Variants in NWD2 observed in about 807,000 individuals in gnomAD.
The protein encoded by NWD2 is NACHT and WD repeat domain-containing protein 2.
Under a neutral mutation model 132.7 loss-of-function variants are expected in NWD2, and 37 were observed. The observed-to-expected ratio is 0.28, with a 90% confidence interval of 0.21 to 0.37. NWD2 has a LOEUF of 0.37. Among genes scored for constraint, NWD2 ranks in the 10% least tolerant of loss-of-function variants. The probability of loss-of-function intolerance (pLI) is 1.00; values close to 1 mark genes in which losing one functional copy is unlikely to be tolerated. For synonymous variants in NWD2, 705 were observed against 803.0 expected, an observed-to-expected ratio of 0.88 and a Z score of 2.06; for missense variants, 1,592 against 2,122.4, an observed-to-expected ratio of 0.75 and a Z score of 4.91.
At chr4:37,316,466 G>A (rs1276272727) in intron 1 of NWD2, among the ~76,000 whole-genome samples, 1 of 151,928 alleles carries the variant, frequency 6.6e-6, no homozygotes, top group East Asian at 1.9e-4. Context: ...CAGATCCTTT[G>A]TGTTTATCCT....
In NWD2 at chr4:37,439,151, A is replaced by G. The variant is rs1055967603; in HGVS notation, c.1057A>G (p.Ile353Val). The change falls in exon 6 of 7, where the codon ATA becomes GTA. Residue 353 changes from isoleucine to valine, a missense_variant. By Grantham distance (29) the Ile-to-Val change is conservative (BLOSUM62 3). Coordinates refer to ENST00000309447, the MANE Select transcript of NWD2 (RefSeq NM_001144990.2). This position sits in a 1 kb window ranked among gnomAD's most constrained non-coding sequence, Gnocchi z 4.5. ...GKQFYEDMID[I>V]IQATIQQNFD... is the part of the protein sequence containing the mutation. ...ACAATTTTATGAGGACATGATTGAT[A>G]TAATTCAGGCAACGATACAACAGAA... 4 of 1,550,990 alleles carry G rather than the reference A, an allele frequency of 2.6e-6. No individual in the cohort carries two copies. The highest frequency in any genetic ancestry group is 3.5e-6 in the Non-Finnish European group (4 of 1,146,608).
In NWD2 at chr4:37,445,699, C is replaced by T. The variant is rs1712616720; in HGVS notation, c.3711C>T (p.Ala1237=). 7.7e-6 allele frequency: 12 copies of T among 1,551,798 alleles called. No individual in the cohort carries two copies. The highest frequency in any genetic ancestry group is 2.4e-5 in the East Asian group (1 of 40,934). Residue 1237 remains alanine (A), a synonymous_variant, in exon 7 of 7, where the codon GCC becomes GCT. Coordinates refer to ENST00000309447, the MANE Select transcript of NWD2 (RefSeq NM_001144990.2). This position sits in a 1 kb window ranked among gnomAD's most constrained non-coding sequence, Gnocchi z 4.7. ...AGCACAACGAACGCTTTATATCTGC[C>T]GTGCTGTCTAAAAATGGAGATTGTA... The part of the protein sequence containing the change: ...RAKHNERFIS[A]VLSKNGDCII...
At chr4:37,440,683 G>C (rs1712458525) in intron 6 of NWD2, among the ~76,000 whole-genome samples, 1 of 152,130 alleles carries the variant, frequency 6.6e-6, no homozygotes, top group African/African-American at 2.4e-5. Context: ...CTAGCAGCGG[G>C]TAATCTGTTA....
chr4:37,407,910 T>C (rs1431568093), intron 3 of NWD2, among the ~76,000 whole-genome samples: 1 of 152,104 alleles, frequency 6.6e-6, no homozygotes, highest in Non-Finnish European at 1.5e-5. Context: ...GGGTGTCGCC[T>C]CACCCGGGAA....
rs1274773677 is a variant in NWD2 at position 37,446,834 on chromosome 4, T to A, written c.4846T>A (p.Tyr1616Asn). The part of the protein sequence containing the change: ...DGKNIGACSL[Y>N]KTPTFLALSQ... ...CAAAAATATCGGTGCTTGTTCCCTT[T>A]ACAAAACACCAACTTTCCTTGCACT... The change falls in exon 7 of 7, where the codon TAC becomes AAC. Residue 1616 changes from tyrosine to asparagine, a missense_variant. Transcript: ENST00000309447. This position sits in a 1 kb window ranked among gnomAD's most constrained non-coding sequence, Gnocchi z 6.7. The A allele has an allele frequency of 6.4e-7, 1 of 1,551,738 alleles. No individual in the cohort carries two copies. Among genetic ancestry groups the A allele is most frequent in the Non-Finnish European group, 8.7e-7 (1 of 1,147,046 alleles).
intron 3 of NWD2, among the ~76,000 whole-genome samples, chr4:37,406,700 C>T (rs1169910082): frequency 6.6e-6 from 1 of 152,152 alleles, no homozygotes; most frequent in African/African-American, 2.4e-5. Context: ...GAGTTTGAGA[C>T]CCGCCTGACC....
chr4:37,317,311 G>GCACA (rs1718977802), intron 1 of NWD2, among the ~76,000 whole-genome samples: 1 of 152,152 alleles, frequency 6.6e-6, no homozygotes, highest in African/African-American at 2.4e-5. Context: ...CCCACCACAG[G>GCACA]AATTTGTGGA....
At chr4:37,424,137 G>A (rs1711910871) in intron 3 of NWD2, among the ~76,000 whole-genome samples, 1 of 152,026 alleles carries the variant, frequency 6.6e-6, no homozygotes, top group African/African-American at 2.4e-5. Flanking sequence ...AACACCCAAG[G>A]CTATAACATT....
chr4:37,299,552 A>G (rs750458694), intron 1 of NWD2, among the ~76,000 whole-genome samples: 3 of 152,128 alleles, frequency 2.0e-5, no homozygotes, highest in Non-Finnish European at 4.4e-5. Flanking sequence ...TTCTACAGGT[A>G]TCTCAGTTTT....
chr4:37,369,621 A>T (rs1012941872), intron 3 of NWD2, among the ~76,000 whole-genome samples: 2 of 152,226 alleles, frequency 1.3e-5, no homozygotes, highest in African/African-American at 2.4e-5. Flanking sequence ...TTCGATGAAC[A>T]TTCCCTGTAT....
At chr4:37,429,189 G>T (rs1289909943) in intron 3 of NWD2, among the ~76,000 whole-genome samples, 2 of 152,004 alleles carry the variant, frequency 1.3e-5, no homozygotes, top group Non-Finnish European at 2.9e-5. Flanking sequence ...TAATAACCTT[G>T]CTTTGTATTT....
rs1467257708 is a variant in NWD2, at chr4:37,445,825, G to C, written c.3837G>C (p.Lys1279Asn). 1.9e-6 allele frequency: 3 copies of C among 1,551,962 alleles called. No homozygotes were observed. The East Asian group carries it at 7.3e-5, about 38-fold the overall frequency. ...SLQEISGSIV[K>N]LVKSSHHNML... ...AGGAAATCTCAGGTTCCATTGTTAA[G>C]TTAGTGAAATCCAGTCACCACAATA... Residue 1279 changes from lysine to asparagine, a missense_variant, in exon 7 of 7, where the codon AAG (lysine) becomes AAC (asparagine). Around this residue, in one of 7 missense-constraint regions of NWD2, gnomAD observed 1,071 missense variants for 1,398.0 expected, o/e 0.77. Transcript: ENST00000309447. The surrounding 1 kb of genome is among the most constrained non-coding windows in gnomAD (Gnocchi z 4.7).
rs935615676 is a variant in NWD2, at chr4:37,448,167, A to C, written c.*950A>C. On this transcript the variant is annotated 3_prime_UTR_variant, in exon 7 of 7. Coordinates refer to ENST00000309447, the MANE Select transcript of NWD2 (RefSeq NM_001144990.2). ...GTCTTCATAGAAAGCAAGCTTTCTC[A>C]ACATGCCATCTCTGAGATACTGATG... 2 of 152,218 alleles carry C rather than the reference A, an allele frequency of 1.3e-5. No homozygotes were observed. Among genetic ancestry groups the C allele is most frequent in the African/African-American group, 4.8e-5 (2 of 41,458 alleles). The allele number at this position is 152,218 out of a possible 1,614,324, so 9.4% of individuals were successfully genotyped here. A position where few individuals can be genotyped will look rare whatever the true frequency, so the allele number is the denominator to read the frequency against.
chr4:37,271,856 A>G (rs1247691222), intron 1 of NWD2, among the ~76,000 whole-genome samples: 1 of 151,684 alleles, frequency 6.6e-6, no homozygotes, highest in Non-Finnish European at 1.5e-5. Context: ...GACTCTCTAT[A>G]GTGTTTGTTG....
intron 1 of NWD2, among the ~76,000 whole-genome samples, chr4:37,296,234 A>T (rs1321492170): frequency 6.6e-6 from 1 of 152,184 alleles, no homozygotes; most frequent in Non-Finnish European, 1.5e-5. Context: ...TTCGGGAGAA[A>T]ATACACGTGC....
intron 1 of NWD2, among the ~76,000 whole-genome samples, chr4:37,246,768 A>G (rs1717252814): frequency 6.6e-6 from 1 of 152,240 alleles, no homozygotes; most frequent in African/African-American, 2.4e-5. Flanking sequence ...ATGTGTTTCA[A>G]TCTGCTGATG....
At chr4:37,354,180 A>C (rs1180753938) in intron 2 of NWD2, among the ~76,000 whole-genome samples, 1 of 152,154 alleles carries the variant, frequency 6.6e-6, no homozygotes, top group Non-Finnish European at 1.5e-5. Flanking sequence ...GAGGCTGCAG[A>C]ACAGCAAAGA....
chr4:37,296,947 C>T (rs2109274782), intron 1 of NWD2, among the ~76,000 whole-genome samples: 1 of 152,300 alleles, frequency 6.6e-6, no homozygotes, highest in East Asian at 1.9e-4. Context: ...TTCACAGCAA[C>T]TTCATAGAAC....
intron 3 of NWD2, among the ~76,000 whole-genome samples, chr4:37,359,682 G>C (rs1347018221): frequency 6.6e-6 from 1 of 152,156 alleles, no homozygotes; most frequent in East Asian, 1.9e-4. Flanking sequence ...AGGACCAGAT[G>C]AAGCTTTCCT....
Sources: allele counts gnomAD v4.1 joint callset (sites outside exome capture counted in the v4.1 genomes callset), GRCh38; gene constraint gnomAD v4.1.1; regional missense constraint gnomAD v4.1.1; non-coding constraint Gnocchi (gnomAD v3.1); transcripts MANE v1.5; gene names NCBI Gene and HGNC (gene_info 2026-07-23, HGNC 2026-07-21).